Variants in SPIRE1 observed in about 807,000 individuals in gnomAD.
The protein encoded by SPIRE1 is protein spire homolog 1.
Under a neutral mutation model 94.1 loss-of-function variants are expected in SPIRE1, and 40 were observed. That is an observed-to-expected ratio of 0.43 (90% confidence interval 0.33 to 0.55). The LOEUF (loss-of-function observed/expected upper bound fraction) is 0.55, where lower values mean the gene tolerates loss of function less well. Ranked by LOEUF, SPIRE1 falls within the 20% of genes least tolerant of loss-of-function variation. SPIRE1 has a pLI of 0.06. For missense variants in SPIRE1, 838 were observed against 975.2 expected (o/e 0.86, Z 1.87); for synonymous variants, 376 against 371.7 (o/e 1.01, Z -0.13).
chr18:12,473,409 CAT>C (rs1015577846), intron 10 of SPIRE1, among the ~76,000 whole-genome samples: 1 of 151,560 alleles, frequency 6.6e-6, no homozygotes, highest in African/African-American at 2.4e-5. Context: ...AAAGCAAAAA[CAT>C]AATGTTCACA....
At chr18:12,575,239 T>C (rs973380728) in intron 2 of SPIRE1, among the ~76,000 whole-genome samples, 5 of 152,054 alleles carry the variant, frequency 3.3e-5, no homozygotes, top group African/African-American at 9.7e-5. Flanking sequence ...TGACTTTAGT[T>C]TGACAAACTA....
chr18:12,606,533 A>ATT (rs11461946), intron 2 of SPIRE1, among the ~76,000 whole-genome samples: 12,191 of 145,540 alleles, frequency 0.084, 618 homozygotes, highest in Non-Finnish European at 0.11. Flanking sequence ...TAATTATCTG[A>ATT]TTTTTTTTTT....
intron 2 of SPIRE1, among the ~76,000 whole-genome samples, chr18:12,573,849 C>G (rs968753817): frequency 5.3e-5 from 8 of 152,078 alleles, no homozygotes; most frequent in African/African-American, 1.9e-4. Context: ...ACGCCATTCT[C>G]CTGCCTCAGC....
chr18:12,579,267 C>T (rs2036197525), intron 2 of SPIRE1, among the ~76,000 whole-genome samples: 1 of 150,826 alleles, frequency 6.6e-6, no homozygotes, highest in African/African-American at 2.4e-5. Flanking sequence ...TATTTTAAAA[C>T]GTGTGGGGCT....
intron 1 of SPIRE1, among the ~76,000 whole-genome samples, chr18:12,649,352 C>T (rs966334397): frequency 4.8e-4 from 73 of 151,960 alleles, no homozygotes; most frequent in African/African-American, 1.5e-3. Context: ...GGGGCTGCAG[C>T]GAGCTATGAT....
Position 12,456,929 on chromosome 18 carries a change from C to G in SPIRE1, c.1639-2446G>C, listed in dbSNP as rs550073958. 7.9e-5 allele frequency among the ~76,000 whole-genome samples: 12 copies of G among 152,320 alleles called. No homozygotes were observed. The East Asian group carries it at 1.7e-3, about 22-fold the overall frequency. On this transcript the variant is annotated intron_variant, in intron 12 of 16. Transcript: ENST00000409402. ...CTTGGCTCACCGCAACATCTGCCTC[C>G]CGGGTTCAAGTGATTCTTGTGCCTC...
intron 8 of SPIRE1, among the ~76,000 whole-genome samples, chr18:12,488,510 A>AT (rs1312377249): frequency 4.6e-5 from 7 of 152,104 alleles, no homozygotes; most frequent in Non-Finnish European, 1.5e-5. Flanking sequence ...TAATACCCCA[A>AT]TTTAATGGAA....
intron 12 of SPIRE1, among the ~76,000 whole-genome samples, chr18:12,460,492 C>G (rs1048264890): frequency 6.6e-6 from 1 of 152,206 alleles, no homozygotes; most frequent in Admixed American, 6.5e-5. Flanking sequence ...GCGGGCAGAT[C>G]ACCTGAGGTC....
intron 1 of SPIRE1, among the ~76,000 whole-genome samples, chr18:12,644,216 A>T (rs1275558955): frequency 6.7e-6 from 1 of 148,588 alleles, no homozygotes; most frequent in African/African-American, 2.4e-5. Flanking sequence ...AAAAAAAAAA[A>T]GGTCAGGGTT....
chr18:12,611,101 A>G (rs1286611169), intron 2 of SPIRE1, among the ~76,000 whole-genome samples: 3 of 152,298 alleles, frequency 2.0e-5, no homozygotes, highest in Middle Eastern at 3.4e-3. Flanking sequence ...TACTGGTGCA[A>G]CAAACAAATA....
upstream of SPIRE1, among the ~76,000 whole-genome samples, chr18:12,660,191 A>G (rs568362561): frequency 1.2e-4 from 19 of 152,320 alleles, no homozygotes; most frequent in African/African-American, 4.6e-4. Flanking sequence ...CCTGGCATAG[A>G]GCAGTAAATA....
intron 10 of SPIRE1, among the ~76,000 whole-genome samples, chr18:12,473,452 T>C (rs1243535373): frequency 6.6e-6 from 1 of 152,114 alleles, no homozygotes; most frequent in East Asian, 1.9e-4. Context: ...GGTAGAAAAC[T>C]GGAAACAGCC....
At chr18:12,539,308 T>A (rs571360297) in intron 3 of SPIRE1, among the ~76,000 whole-genome samples, 1 of 152,140 alleles carries the variant, frequency 6.6e-6, no homozygotes, top group South Asian at 2.1e-4. Context: ...ATCTGATGGT[T>A]TTATAAGGAG....
chr18:12,619,799 T>C (rs972194674), intron 2 of SPIRE1, among the ~76,000 whole-genome samples: 1 of 136,740 alleles, frequency 7.3e-6, no homozygotes, highest in Middle Eastern at 4.5e-3. Context: ...TGAGCCAAGA[T>C]CGCGGCACTG....
intron 9 of SPIRE1, among the ~76,000 whole-genome samples, chr18:12,481,904 A>G (rs916847049): frequency 7.2e-5 from 11 of 152,216 alleles, no homozygotes; most frequent in Admixed American, 7.2e-4. Context: ...TCTAGGAGAA[A>G]GCACAAGTAT....
At chr18:12,543,759 T>G (rs2035076317) in intron 3 of SPIRE1, among the ~76,000 whole-genome samples, 1 of 152,226 alleles carries the variant, frequency 6.6e-6, no homozygotes, top group Non-Finnish European at 1.5e-5. Context: ...AACATCCTAT[T>G]ATTTGTATTA....
intron 2 of SPIRE1, among the ~76,000 whole-genome samples, chr18:12,575,907 TA>T (rs2036081595): frequency 6.6e-6 from 1 of 152,176 alleles, no homozygotes; most frequent in South Asian, 2.1e-4. Context: ...AAACTGATTT[TA>T]AAATGTATAT....
intron 2 of SPIRE1, among the ~76,000 whole-genome samples, chr18:12,634,112 G>A (rs1451276657): frequency 6.6e-6 from 1 of 151,946 alleles, no homozygotes; most frequent in Non-Finnish European, 1.5e-5. Flanking sequence ...GCTGGGCGCG[G>A]TGGCGGGCGC....
chr18:12,483,616 C>T (rs1038847561), intron 9 of SPIRE1, among the ~76,000 whole-genome samples: 2 of 151,882 alleles, frequency 1.3e-5, no homozygotes, highest in African/African-American at 4.8e-5. Flanking sequence ...TTATACTTAC[C>T]ATAAGTGATG....
Sources: allele counts gnomAD v4.1 joint callset (sites outside exome capture counted in the v4.1 genomes callset), GRCh38; gene constraint gnomAD v4.1.1; transcripts MANE v1.5; gene names NCBI Gene and HGNC (gene_info 2026-07-23, HGNC 2026-07-21).